AVEN: variants seen among roughly 807,000 people sequenced by gnomAD.
The protein encoded by AVEN is apoptosis and caspase activation inhibitor.
Under a neutral mutation model 38.1 loss-of-function variants are expected in AVEN, and 41 were observed. That is an observed-to-expected ratio of 1.08 (90% CI 0.84 to 1.40). The LOEUF (loss-of-function observed/expected upper bound fraction) is 1.40, where lower values mean the gene tolerates loss of function less well. AVEN is among the 40% of genes most tolerant of loss of function. The probability of loss-of-function intolerance (pLI) is 0.00; values close to 1 mark genes in which losing one functional copy is unlikely to be tolerated. For synonymous variants in AVEN, 206 were observed against 171.8 expected (o/e 1.20, Z -1.56); for missense variants, 605 against 438.8 (o/e 1.38, Z -3.38).
At chr15:33,905,053 C>CT (rs1444001538) in intron 2 of AVEN, among the ~76,000 whole-genome samples, 1 of 147,044 alleles carries the variant, frequency 6.8e-6, no homozygotes, top group East Asian at 2.1e-4. Flanking sequence ...TCACTTGAAC[C>CT]TGGGAGGTGG....
At chr15:33,975,932 GAAGAA>G (rs139962560) in intron 2 of AVEN, among the ~76,000 whole-genome samples, 1,608 of 152,046 alleles carry the variant, frequency 0.011, 32 homozygotes, top group African/African-American at 0.037. Context: ...TGTCTCAAAA[GAAGAA>G]AAGAAAAGAA....
chr15:34,042,248 G>T (rs1899501909), upstream of AVEN, among the ~76,000 whole-genome samples: 1 of 152,128 alleles, frequency 6.6e-6, no homozygotes, highest in African/African-American at 2.4e-5. Flanking sequence ...TTAAACATAT[G>T]CCATTGCATG....
At chr15:33,853,706 A>C in the AVEN span, 1 of 1,606,878 alleles carries the variant, frequency 6.2e-7, no homozygotes, top group Admixed American at 1.7e-5. Context: ...AGGAGTTCAA[A>C]TCCAAAGCAG....
chr15:33,926,948 C>T (rs1225815115), intron 2 of AVEN, among the ~76,000 whole-genome samples: 1 of 152,058 alleles, frequency 6.6e-6, no homozygotes, highest in Non-Finnish European at 1.5e-5. Flanking sequence ...AGCCACTACA[C>T]CCAGCTAGAA....
chr15:34,039,223 G>A (rs1375345250), upstream of AVEN: 13 of 426,074 alleles, frequency 3.1e-5, no homozygotes, highest in Non-Finnish European at 4.1e-5. Flanking sequence ...GCGGGGCGGG[G>A]CGGCCGGCGT....
intron 2 of AVEN, among the ~76,000 whole-genome samples, chr15:33,913,469 AG>A (rs1892993981): frequency 6.6e-6 from 1 of 152,210 alleles, no homozygotes; most frequent in Admixed American, 6.5e-5. Context: ...GGCTTTGAGC[AG>A]ATTTACATTC....
At chr15:33,852,986 T>C in the AVEN span, 6 of 1,440,006 alleles carry the variant, frequency 4.2e-6, no homozygotes, top group Non-Finnish European at 5.8e-6. Context: ...AAACGTTTCT[T>C]GATGTGTTTT....
At chr15:33,891,131 T>C (rs1181038189) in intron 2 of AVEN, among the ~76,000 whole-genome samples, 1 of 152,102 alleles carries the variant, frequency 6.6e-6, no homozygotes, top group Non-Finnish European at 1.5e-5. Flanking sequence ...AAAGATATAC[T>C]AAAATGTCTG....
chr15:33,855,803 A>T (rs887040915), downstream of AVEN: 1 of 152,200 alleles, frequency 6.6e-6, no homozygotes, highest in African/African-American at 2.4e-5. Context: ...CAATATATGG[A>T]AGACTGGATA....
intron 2 of AVEN, among the ~76,000 whole-genome samples, chr15:33,985,181 G>A (rs1006253247): frequency 2.6e-5 from 4 of 151,998 alleles, no homozygotes; most frequent in Admixed American, 6.5e-5. Flanking sequence ...AGGTTAGCCT[G>A]TTACTGTTTC....
Position 33,867,762 on chromosome 15 carries a change from C to G in AVEN, c.706G>C (p.Gly236Arg), listed in dbSNP as rs769246123. The change falls in exon 5 of 6, where the codon GGA becomes CGA. Residue 236 changes from glycine to arginine, a missense_variant. Coordinates refer to ENST00000306730, the MANE Select transcript of AVEN (RefSeq NM_020371.3). Reference protein sequence around the residue: ...GMQLKGPLGPGGRGPIFELKS... With the variant: ...GMQLKGPLGPRGRGPIFELKS... ...AGCTCAAAGATGGGCCCCCTTCCTC[C>G]AGGCCCCAAGGGCCCCTTTAACTGC... 6.2e-7 allele frequency: 1 copy of G among 1,614,212 alleles called. No homozygotes were observed.
chr15:33,887,884 G>A (rs1891768663), intron 2 of AVEN, among the ~76,000 whole-genome samples: 3 of 152,068 alleles, frequency 2.0e-5, no homozygotes, highest in Admixed American at 6.6e-5. Context: ...CTTTGTTGGT[G>A]AAAACCACCA....
intron 2 of AVEN, among the ~76,000 whole-genome samples, chr15:33,999,967 T>A (rs1597332622): frequency 6.6e-6 from 1 of 152,218 alleles, no homozygotes; most frequent in Admixed American, 6.5e-5. Flanking sequence ...GGATAATGCC[T>A]TTCTGACCCC....
In AVEN at chr15:33,925,624, C is replaced by G. The variant is rs182519424; in HGVS notation, c.446-49629G>C. Among the ~76,000 whole-genome samples, 61 of 152,208 alleles carry G rather than the reference C, an allele frequency of 4.0e-4. 1 individual carries two copies. In the East Asian group the frequency reaches 0.011, roughly 26 times the overall value. ...TAAAAGTAATTCCTGCCCATCAGCA[C>G]GGGTGAGAGCTGATACTACTAACTA... On this transcript the variant is annotated intron_variant, in intron 2 of 5. Transcript: ENST00000306730.
chr15:33,988,837 CA>C (rs1896596145), intron 2 of AVEN, among the ~76,000 whole-genome samples: 1 of 152,200 alleles, frequency 6.6e-6, no homozygotes, highest in African/African-American at 2.4e-5. Context: ...TAAATGAAAC[CA>C]AATCCATTTT....
downstream of AVEN, among the ~76,000 whole-genome samples, chr15:33,864,442 G>C (rs547769481): frequency 6.6e-6 from 1 of 152,294 alleles, no homozygotes; most frequent in South Asian, 2.1e-4. Context: ...GAACATTACA[G>C]AGACAATATG....
In AVEN at chr15:33,961,538, G is replaced by A. The variant is rs547261486; in HGVS notation, c.445+41494C>T. On this transcript the variant is annotated intron_variant, in intron 2 of 5. Coordinates refer to ENST00000306730, the MANE Select transcript of AVEN (RefSeq NM_020371.3). ...CTAGAAAATAAAGTGTCTGCACTGGGTGAGGTGGCTCATGCCTGTAATCCC... is the reference window on the plus strand; with the variant it reads ...CTAGAAAATAAAGTGTCTGCACTGGATGAGGTGGCTCATGCCTGTAATCCC... Among the ~76,000 whole-genome samples the A allele has an allele frequency of 5.9e-5, 9 of 152,030 alleles. 1 individual carries two copies. The East Asian group carries it at 1.7e-3, about 29-fold the overall frequency.
At chr15:33,855,014 G>GTA, downstream of AVEN, 2 of 1,193,900 alleles carry the variant, frequency 1.7e-6, no homozygotes, top group South Asian at 2.5e-5. Context: ...ATATGTCTTG[G>GTA]TATATAATGT....
intron 2 of AVEN, among the ~76,000 whole-genome samples, chr15:33,927,699 CA>C (rs975328426): frequency 6.6e-6 from 1 of 152,170 alleles, no homozygotes; most frequent in African/African-American, 2.4e-5. Flanking sequence ...ATTACATGGT[CA>C]TATATTTTTG....
Sources: allele counts gnomAD v4.1 joint callset (sites outside exome capture counted in the v4.1 genomes callset), GRCh38; gene constraint gnomAD v4.1.1; transcripts MANE v1.5; gene names NCBI Gene and HGNC (gene_info 2026-07-23, HGNC 2026-07-21).